The following LIMS1 variants were observed in gnomAD, a reference collection of about 807,000 sequenced individuals.
LIMS1 encodes the protein LIM and senescent cell antigen-like-containing domain protein 1.
A neutral mutation model predicts 44.1 loss-of-function variants in LIMS1; 18 were observed. The ratio of observed to expected loss-of-function variants is 0.41; its 90% CI spans 0.28 to 0.61. The LOEUF (loss-of-function observed/expected upper bound fraction) is 0.61, where lower values mean the gene tolerates loss of function less well. Ranked by LOEUF, LIMS1 falls within the 20% of genes least tolerant of loss-of-function variation. The pLI, the probability that LIMS1 is intolerant of heterozygous loss-of-function variation, is 0.32. For synonymous variants in LIMS1, 93 were observed against 149.1 expected, an observed-to-expected ratio of 0.62 and a Z score of 2.74; for missense variants, 201 against 422.0, an observed-to-expected ratio of 0.48 and a Z score of 4.59.
intron 1 of LIMS1, among the ~76,000 whole-genome samples, chr2:108,554,926 G>A (rs950766236): frequency 2.0e-5 from 3 of 152,196 alleles, no homozygotes; most frequent in Non-Finnish European, 2.9e-5. Flanking sequence ...ACCAAATCCG[G>A]ATCTGTGTTG....
chr2:108,610,911 A>G (rs1324861556), intron 1 of LIMS1, among the ~76,000 whole-genome samples: 1 of 152,152 alleles, frequency 6.6e-6, no homozygotes, highest in Non-Finnish European at 1.5e-5. Flanking sequence ...TCAGGAGCTC[A>G]GATAATCCTC....
intron 1 of LIMS1, among the ~76,000 whole-genome samples, chr2:108,557,546 T>G (rs550305868): frequency 3.9e-4 from 59 of 152,120 alleles, no homozygotes; most frequent in African/African-American, 1.3e-3. Flanking sequence ...AGACCTAGTC[T>G]TGCTCTGTTG....
chr2:108,569,764 C>CCTTTTTTTTTTTTT lies in LIMS1; in HGVS notation c.32+35170_32+35171insCTTTTTTTTTTTTT, dbSNP rs753691810. Among the ~76,000 whole-genome samples, 314 of 113,116 alleles carry CCTTTTTTTTTTTTT rather than the reference C, an allele frequency of 2.8e-3. 59 individuals are homozygous for CCTTTTTTTTTTTTT. Among genetic ancestry groups the CCTTTTTTTTTTTTT allele is most frequent in the East Asian group, 0.015 (46 of 3,060 alleles). The allele number at this position is 113,116 out of a possible 152,430, so 74.2% of individuals were successfully genotyped here. A position where few individuals can be genotyped will look rare whatever the true frequency, so the allele number is the denominator to read the frequency against. On this transcript the variant is annotated intron_variant, in intron 1 of 9. Coordinates refer to ENST00000544547, the Ensembl canonical transcript of LIMS1. ...TACAAACACTCACCGCCATATCTGG[C>CCTTTTTTTTTTTTT]TTTTTTTTTTTTTTTTTTTAGTGAT...
chr2:108,612,317 G>A (rs949252532), intron 1 of LIMS1, among the ~76,000 whole-genome samples: 1 of 152,062 alleles, frequency 6.6e-6, no homozygotes, highest in Non-Finnish European at 1.5e-5. Flanking sequence ...CAGAGGAACC[G>A]AAATCGGTGT....
At chr2:108,581,791 C>T (rs1685895243) in intron 1 of LIMS1, among the ~76,000 whole-genome samples, 1 of 151,924 alleles carries the variant, frequency 6.6e-6, no homozygotes, top group Non-Finnish European at 1.5e-5. Context: ...TACAAAATTA[C>T]TCGGGAGTGG....
chr2:108,543,177 T>C (rs1271399962), intron 1 of LIMS1, among the ~76,000 whole-genome samples: 3 of 152,194 alleles, frequency 2.0e-5, no homozygotes, highest in Non-Finnish European at 4.4e-5. Context: ...ACACCTGTAA[T>C]CTCAGCACTT....
upstream of LIMS1, chr2:108,534,015 G>C (rs1001365791): frequency 7.2e-5 from 11 of 153,548 alleles, no homozygotes; most frequent in Admixed American, 2.0e-4. Flanking sequence ...CCGCTGCCAG[G>C]GCCGCGCAGC....
intron 2 of LIMS1, among the ~76,000 whole-genome samples, chr2:108,661,965 A>C (rs536718565): frequency 1.3e-5 from 2 of 152,296 alleles, no homozygotes; most frequent in Non-Finnish European, 2.9e-5. Flanking sequence ...ATGAGAGCCT[A>C]GCTGGTCTCC....
chr2:108,597,129 G>A (rs186355802), intron 1 of LIMS1, among the ~76,000 whole-genome samples: 27 of 151,512 alleles, frequency 1.8e-4, no homozygotes, highest in African/African-American at 6.1e-4. Flanking sequence ...GGCTGATCTC[G>A]AACTCCTGAC....
At chr2:108,637,862 GA>G (rs927518582) in intron 1 of LIMS1, among the ~76,000 whole-genome samples, 3 of 115,336 alleles carry the variant, frequency 2.6e-5, no homozygotes, top group African/African-American at 1.1e-4. Context: ...AAAATTTTAA[GA>G]TTTTTTTTTT....
intron 1 of LIMS1, among the ~76,000 whole-genome samples, chr2:108,629,665 C>T (rs530674286): frequency 3.9e-5 from 6 of 152,136 alleles, no homozygotes; most frequent in Non-Finnish European, 7.3e-5. Flanking sequence ...AGCCCAGTTT[C>T]CTCCAAATAT....
At chr2:108,684,885 T>A (rs1373627891) in exon 10 of LIMS1, 2 of 152,150 alleles carry the variant, frequency 1.3e-5, no homozygotes, top group Non-Finnish European at 2.9e-5. Flanking sequence ...ATATTGCCTT[T>A]ATAACCATGC....
chr2:108,643,036 A>G (rs961336206), intron 1 of LIMS1, among the ~76,000 whole-genome samples: 1 of 152,206 alleles, frequency 6.6e-6, no homozygotes, highest in Non-Finnish European at 1.5e-5. Flanking sequence ...GATGATCAGA[A>G]AATGACAAAT....
chr2:108,652,802 C>T (rs1253159651), intron 1 of LIMS1, among the ~76,000 whole-genome samples: 1 of 152,142 alleles, frequency 6.6e-6, no homozygotes, highest in Non-Finnish European at 1.5e-5. Flanking sequence ...ATGCCACCCC[C>T]ACCGGATGCA....
intron 8 of LIMS1, among the ~76,000 whole-genome samples, chr2:108,678,767 G>GA (rs978750229): frequency 3.3e-5 from 5 of 152,162 alleles, no homozygotes; most frequent in Non-Finnish European, 7.3e-5. Context: ...ATCAGCTCTG[G>GA]AAAAAAGACT....
chr2:108,590,544 T>G (rs1313156864), intron 1 of LIMS1, among the ~76,000 whole-genome samples: 1 of 152,152 alleles, frequency 6.6e-6, no homozygotes, highest in Non-Finnish European at 1.5e-5. Flanking sequence ...CCATCACAGG[T>G]AGTGTCAAGT....
chr2:108,555,166 T>C (rs929713864), intron 1 of LIMS1, among the ~76,000 whole-genome samples: 1 of 152,170 alleles, frequency 6.6e-6, no homozygotes, highest in Admixed American at 6.5e-5. Context: ...ATCCACATGA[T>C]CTGGGTTGCC....
chr2:108,535,977 TAAC>T (rs145590304), intron 1 of LIMS1, among the ~76,000 whole-genome samples: 5,375 of 152,256 alleles, frequency 0.035, 322 homozygotes, highest in African/African-American at 0.12. Context: ...CAAGATTTGA[TAAC>T]AATAATTTGT....
chr2:108,573,868 G>A (rs1198549457), intron 1 of LIMS1, among the ~76,000 whole-genome samples: 1 of 152,188 alleles, frequency 6.6e-6, no homozygotes, highest in Non-Finnish European at 1.5e-5. Context: ...TCAGGCTGAG[G>A]AAGAGAAGAC....
Sources: gnomAD v4.1 joint callset for allele counts (sites outside exome capture counted in the v4.1 genomes callset) on GRCh38, gnomAD v4.1.1 for gene constraint, MANE v1.5 for transcripts, NCBI Gene and HGNC (gene_info 2026-07-23, HGNC 2026-07-21) for gene names.